The following HDAC9 variants were observed in gnomAD, a reference collection of about 807,000 sequenced individuals.
HDAC9 encodes histone deacetylase 9.
HDAC9 carries 41 observed loss-of-function variants against 139.4 expected under a neutral mutation model. That is an observed-to-expected ratio of 0.29 (90% confidence interval 0.23 to 0.38). HDAC9 has a LOEUF of 0.38. HDAC9 is among the 10% of genes least tolerant of loss of function. The pLI is 1.00. For synonymous variants in HDAC9, 517 were observed against 476.2 expected (o/e 1.09, Z -1.12); for missense variants, 1,147 against 1,297.0 (o/e 0.88, Z 1.78).
rs1378333490 is a variant in HDAC9 at position 18,897,501 on chromosome 7, A to G, written c.2803+22905A>G. Among the ~76,000 whole-genome samples the G allele has an allele frequency of 3.3e-5, 5 of 152,106 alleles. No homozygotes were observed. In the South Asian group the frequency reaches 8.3e-4, roughly 25 times the overall value. On this transcript the variant is annotated intron_variant, in intron 22 of 25. Coordinates refer to ENST00000686413, the MANE Select transcript of HDAC9 (RefSeq NM_178425.4). ...TACTAAAAATTGTTTAAAGAATGCT[A>G]TGCGGAGGTTTCTGATCCTTCCTGT...
chr7:18,130,558 A>C (rs1477333199), intron 1 of HDAC9, among the ~76,000 whole-genome samples: 2 of 152,124 alleles, frequency 1.3e-5, no homozygotes, highest in Non-Finnish European at 2.9e-5. Context: ...AAAGCATACA[A>C]TTTAGTGGTC....
intron 1 of HDAC9, among the ~76,000 whole-genome samples, chr7:18,482,018 T>G (rs556889318): frequency 1.3e-5 from 2 of 152,258 alleles, no homozygotes; most frequent in South Asian, 4.1e-4. Flanking sequence ...TCAAAGGGCT[T>G]GGTTTCCTTC....
At chr7:18,993,186 C>A (rs2526632) in intron 25 of HDAC9, among the ~76,000 whole-genome samples, 95,163 of 151,278 alleles carry the variant, frequency 0.63, 30,698 homozygotes, top group African/African-American at 0.77. Context: ...AGAGCTAGGG[C>A]TATGAGAAGA....
At chr7:18,854,173 A>C (rs1188465561) in intron 21 of HDAC9, among the ~76,000 whole-genome samples, 2 of 152,184 alleles carry the variant, frequency 1.3e-5, no homozygotes, top group African/African-American at 4.8e-5. Flanking sequence ...ATGTACCAGA[A>C]ATTTTCCTTA....
At chr7:18,898,619 A>G (rs1209389698) in intron 22 of HDAC9, among the ~76,000 whole-genome samples, 1 of 151,934 alleles carries the variant, frequency 6.6e-6, no homozygotes, top group Non-Finnish European at 1.5e-5. Flanking sequence ...GTATGTACTC[A>G]GAGAAAGGGT....
In HDAC9 at chr7:18,877,989, A is replaced by T. The variant is rs73320063; in HGVS notation, c.2803+3393A>T. Among the ~76,000 whole-genome samples the T allele has an allele frequency of 7.4e-3, 1,128 of 152,266 alleles. 19 individuals carry two copies. Among genetic ancestry groups the T allele is most frequent in the African/African-American group, 0.025 (1,053 of 41,564 alleles). On this transcript the variant is annotated intron_variant, in intron 22 of 25. Transcript: ENST00000686413. The stretch of plus-strand genomic sequence containing the variant: ...AAATCCCAACCCGAAATGACTAAAT[A>T]GCTTTTTAACCTGCCCTAAACCCAG...
chr7:18,937,030 A>ATTTTTTTTTTTTTTTT, intron 23 of HDAC9, among the ~76,000 whole-genome samples: 1 of 96,696 alleles, frequency 1.0e-5, no homozygotes, highest in Non-Finnish European at 1.9e-5. Flanking sequence ...GCTCTTGTTA[A>ATTTTTTTTTTTTTTTT]TTTTTTTTTT....
intron 12 of HDAC9, chr7:18,667,392 C>A: frequency 1.0e-6 from 1 of 981,250 alleles, no homozygotes; most frequent in African/African-American, 1.7e-5. Context: ...TATATTGTCA[C>A]TAGAATCTCT....
intron 1 of HDAC9, among the ~76,000 whole-genome samples, chr7:18,407,798 A>T (rs10215619): frequency 0.042 from 6,401 of 152,306 alleles, 448 homozygotes; most frequent in African/African-American, 0.15. Context: ...TATTCCCCGC[A>T]GTTAAAGGAA....
At chr7:18,663,281 G>A (rs1406905610) in intron 11 of HDAC9, among the ~76,000 whole-genome samples, 1 of 152,082 alleles carries the variant, frequency 6.6e-6, no homozygotes, top group Non-Finnish European at 1.5e-5. Context: ...TTGGAGGTTA[G>A]GAGGTTGAGA....
At chr7:18,317,614 T>C (rs1183391388) in intron 1 of HDAC9, among the ~76,000 whole-genome samples, 1 of 152,218 alleles carries the variant, frequency 6.6e-6, no homozygotes, top group African/African-American at 2.4e-5. Context: ...CAGTTGTTAC[T>C]GATGGCATGC....
chr7:18,144,043 A>C (rs1362520226), intron 1 of HDAC9, among the ~76,000 whole-genome samples: 1 of 152,154 alleles, frequency 6.6e-6, no homozygotes, highest in Non-Finnish European at 1.5e-5. Flanking sequence ...TCTACATGTC[A>C]CACCTGGTTT....
In HDAC9 at chr7:18,753,516, C is replaced by CAG. The variant is rs1238767550; in HGVS notation, c.2043+4382_2043+4383dup. Among the ~76,000 whole-genome samples, 4 of 152,010 alleles carry CAG rather than the reference C, an allele frequency of 2.6e-5. No individual in the cohort carries two copies. In the South Asian group the frequency reaches 6.2e-4, roughly 24 times the overall value. ...AAGGAATCTCAATTCTGCTGACATA[C>CAG]AGAGAAGGGTCAGCTTTCCTCAACC... On this transcript the variant is annotated intron_variant, in intron 14 of 25. Transcript: ENST00000686413.
chr7:18,763,572 A>C (rs1308825133), intron 15 of HDAC9, among the ~76,000 whole-genome samples: 2 of 152,178 alleles, frequency 1.3e-5, no homozygotes, highest in Non-Finnish European at 2.9e-5. Context: ...CTATTTTAGA[A>C]ACCAGTCTCT....
chr7:18,977,495 C>T (rs907965363), intron 25 of HDAC9, among the ~76,000 whole-genome samples: 3 of 152,104 alleles, frequency 2.0e-5, no homozygotes, highest in Non-Finnish European at 4.4e-5. Context: ...TGTTATGAGC[C>T]TCAAGTAATA....
chr7:18,829,618 G>C (rs922591897), intron 19 of HDAC9, 70 bp downstream of exon 19: 6 of 1,003,356 alleles, frequency 6.0e-6, no homozygotes, highest in African/African-American at 4.9e-5. Context: ...GTATTTCTCT[G>C]TTAGGTTGTC....
At chr7:18,591,086 G>A (rs151250178) in intron 4 of HDAC9, among the ~76,000 whole-genome samples, 1 of 152,090 alleles carries the variant, frequency 6.6e-6, no homozygotes, top group African/African-American at 2.4e-5. Context: ...TAAAAACTAA[G>A]GTTTTCAAAC....
intron 2 of HDAC9, among the ~76,000 whole-genome samples, chr7:18,572,331 A>G (rs1213025816): frequency 6.6e-6 from 1 of 151,214 alleles, no homozygotes; most frequent in Non-Finnish European, 1.5e-5. Context: ...CATATTCACA[A>G]ATATGACTAT....
At chr7:18,817,144 T>C (rs372797360) in intron 17 of HDAC9, among the ~76,000 whole-genome samples, 2 of 151,938 alleles carry the variant, frequency 1.3e-5, no homozygotes, top group African/African-American at 2.4e-5. Context: ...ACGCCATTCT[T>C]CTGCCTCAGC....
Sources: gnomAD v4.1 joint callset for allele counts (sites outside exome capture counted in the v4.1 genomes callset) on GRCh38, gnomAD v4.1.1 for gene constraint, MANE v1.5 for transcripts, NCBI Gene and HGNC (gene_info 2026-07-23, HGNC 2026-07-21) for gene names.